TRIO: variants seen among roughly 807,000 people sequenced by gnomAD.
The protein encoded by TRIO is trio Rho guanine nucleotide exchange factor.
TRIO carries 58 observed loss-of-function variants against 351.9 expected under a neutral mutation model. The ratio of observed to expected loss-of-function variants is 0.16; its 90% CI spans 0.13 to 0.21. TRIO has a LOEUF of 0.21. Ranked by LOEUF, TRIO falls within the 10% of genes least tolerant of loss-of-function variation. The pLI, the probability that TRIO is intolerant of heterozygous loss-of-function variation, is 1.00. For synonymous variants in TRIO, 1,758 were observed against 1,595.7 expected, an observed-to-expected ratio of 1.10 and a Z score of -2.42; for missense variants, 3,201 against 4,027.8, an observed-to-expected ratio of 0.79 and a Z score of 5.56.
intron 13 of TRIO, among the ~76,000 whole-genome samples, chr5:14,363,376 T>A (rs185948025): frequency 6.6e-6 from 1 of 152,188 alleles, no homozygotes; most frequent in Non-Finnish European, 1.5e-5. Context: ...CTCTTACTAT[T>A]TTTGAACACC....
In TRIO at chr5:14,199,218, A is replaced by AAAAAC. The variant is rs1554031817; in HGVS notation, c.157+55337_157+55338insAAACA. 1.4e-4 allele frequency among the ~76,000 whole-genome samples: 21 copies of AAAAAC among 149,584 alleles called. No homozygotes were observed. In the East Asian group the frequency reaches 3.7e-3, roughly 26 times the overall value. On this transcript the variant is annotated intron_variant, in intron 1 of 56. Transcript: ENST00000344204. ...CTCAAAAAAAAAAAAAAAAAAAAAA[A>AAAAAC]ACCTCCCTAAAAATGCAACTCAAAG...
chr5:14,346,311 G>T (rs1307321064), intron 11 of TRIO, among the ~76,000 whole-genome samples: 1 of 152,242 alleles, frequency 6.6e-6, no homozygotes, highest in African/African-American at 2.4e-5. Flanking sequence ...CTCGAGGGGA[G>T]CACTCTCCAG....
At chr5:14,226,032 T>C (rs1384049233) in intron 1 of TRIO, among the ~76,000 whole-genome samples, 1 of 152,098 alleles carries the variant, frequency 6.6e-6, no homozygotes, top group Non-Finnish European at 1.5e-5. Context: ...TTCCTGTGCA[T>C]TTGACTGAGT....
At chr5:14,302,124 G>A in intron 7 of TRIO, among the ~76,000 whole-genome samples, 1 of 152,108 alleles carries the variant, frequency 6.6e-6, no homozygotes, top group East Asian at 1.9e-4. Context: ...AAAACTTCTT[G>A]AATGTTTTTT....
In TRIO at chr5:14,488,139, G is replaced by A. The variant is rs774871473; in HGVS notation, c.7511G>A (p.Gly2504Glu). The A allele has an allele frequency of 1.2e-6, 2 of 1,608,140 alleles. No individual in the cohort carries two copies. Among genetic ancestry groups the A allele is most frequent in the Non-Finnish European group, 1.7e-6 (2 of 1,179,496 alleles). ...ASRPGSFTFPGDSDSLQRQTP... is the reference protein window; with the variant it reads ...ASRPGSFTFPEDSDSLQRQTP... The stretch of plus-strand genomic sequence containing the variant: ...CGACCCGGCTCCTTCACCTTCCCGG[G>A]GGACAGCGACTCCCTCCAGCGGCAG... The change falls in exon 48 of 57, where the codon GGG becomes GAG. Residue 2504 changes from glycine (G) to glutamate (E), a missense_variant. By Grantham distance (98) the Gly-to-Glu change is moderately conservative. Coordinates refer to ENST00000344204, the MANE Select transcript of TRIO (RefSeq NM_007118.4).
chr5:14,157,183 A>G (rs1788150847), intron 1 of TRIO, among the ~76,000 whole-genome samples: 1 of 152,132 alleles, frequency 6.6e-6, no homozygotes, highest in Admixed American at 6.5e-5. Context: ...GACTTGAAAG[A>G]CTGTTGCTTA....
chr5:14,216,461 C>T (rs768166615), intron 1 of TRIO, among the ~76,000 whole-genome samples: 1 of 152,210 alleles, frequency 6.6e-6, no homozygotes, highest in Non-Finnish European at 1.5e-5. Context: ...ATTTGCTTCA[C>T]CTTCTTGGAT....
chr5:14,500,984 T>G (rs1461420510), intron 53 of TRIO, among the ~76,000 whole-genome samples: 1 of 151,174 alleles, frequency 6.6e-6, no homozygotes, highest in East Asian at 1.9e-4. Context: ...GCTCTGTCTC[T>G]GGGTCTGGTT....
At chr5:14,364,580 C>A in intron 14 of TRIO, 70 bp from the exon 15 acceptor site, 1 of 1,520,248 alleles carries the variant, frequency 6.6e-7, no homozygotes. Flanking sequence ...AGATTTTGTG[C>A]CATCCACCCT....
chr5:14,163,356 T>C (rs1021836688), intron 1 of TRIO, among the ~76,000 whole-genome samples: 1 of 152,214 alleles, frequency 6.6e-6, no homozygotes, highest in African/African-American at 2.4e-5. Context: ...GAACTCATTC[T>C]TTTTTATGGC....
intron 4 of TRIO, among the ~76,000 whole-genome samples, chr5:14,287,511 G>A (rs185275096): frequency 5.8e-4 from 89 of 152,344 alleles, no homozygotes; most frequent in Non-Finnish European, 1.1e-3. Context: ...AAGAATGCAT[G>A]TATTAGGCCT....
intron 48 of TRIO, 164 bp from the exon 49 acceptor site, chr5:14,492,403 G>GT: frequency 1.2e-6 from 1 of 863,088 alleles, no homozygotes; most frequent in South Asian, 1.8e-5. Flanking sequence ...GATGCACACA[G>GT]TTAGCCAGAG....
At chr5:14,369,316 G>T (rs116225615) in intron 17 of TRIO, 58 bp from the exon 18 acceptor site, 47,015 of 1,538,080 alleles carry the variant, frequency 0.031, 859 homozygotes, top group Middle Eastern at 0.04. Context: ...GCTTTCCAGG[G>T]ATACCAGTCG....
intron 1 of TRIO, among the ~76,000 whole-genome samples, chr5:14,203,241 A>G (rs1450870419): frequency 2.0e-5 from 3 of 150,350 alleles, no homozygotes; most frequent in Non-Finnish European, 4.4e-5. Flanking sequence ...ATAATAGGCA[A>G]TTTGAAGAGA....
chr5:14,217,086 C>T (rs1303899379), intron 1 of TRIO, among the ~76,000 whole-genome samples: 2 of 152,166 alleles, frequency 1.3e-5, no homozygotes, highest in East Asian at 3.8e-4. Context: ...CAGCACGATG[C>T]CCCATGCGTC....
chr5:14,240,761 T>C (rs1223771984), intron 1 of TRIO, among the ~76,000 whole-genome samples: 1 of 152,226 alleles, frequency 6.6e-6, no homozygotes. Context: ...AAACAAGACC[T>C]CAATTGTCAA....
At chr5:14,148,023 A>C (rs533271869) in intron 1 of TRIO, among the ~76,000 whole-genome samples, 2 of 152,346 alleles carry the variant, frequency 1.3e-5, no homozygotes, top group East Asian at 3.9e-4. Flanking sequence ...CGAGGAATCA[A>C]AGAAGTGCAG....
intron 1 of TRIO, among the ~76,000 whole-genome samples, chr5:14,252,496 G>T (rs1205133755): frequency 6.6e-6 from 1 of 152,196 alleles, no homozygotes; most frequent in Non-Finnish European, 1.5e-5. Flanking sequence ...TCTACAACAG[G>T]TCTTACCTGG....
intron 17 of TRIO, 82 bp from the exon 18 acceptor site, chr5:14,369,292 G>A: frequency 6.6e-7 from 1 of 1,506,680 alleles, no homozygotes; most frequent in Non-Finnish European, 8.9e-7. Context: ...CATCCCCAGA[G>A]CCCGACTGAA....
Sources: gnomAD v4.1 joint callset for allele counts (sites outside exome capture counted in the v4.1 genomes callset) on GRCh38, gnomAD v4.1.1 for gene constraint, MANE v1.5 for transcripts, NCBI Gene and HGNC (gene_info 2026-07-23, HGNC 2026-07-21) for gene names.